Variants in MYT1 observed in about 807,000 individuals in gnomAD.
MYT1 encodes myelin transcription factor I.
In MYT1, 23 loss-of-function variants were observed where a neutral mutation model predicts 123.0. That is an observed-to-expected ratio of 0.19 (90% CI 0.13 to 0.26). The LOEUF is 0.26. Among genes scored for constraint, MYT1 ranks in the 10% least tolerant of loss-of-function variants. The pLI is 1.00. For synonymous variants in MYT1, 518 were observed against 575.3 expected (o/e 0.90, Z 1.43); for missense variants, 1,125 against 1,472.5 (o/e 0.76, Z 3.86).
chr20:64,229,669 G>A (rs577155550), intron 18 of MYT1, among the ~76,000 whole-genome samples: 13 of 152,198 alleles, frequency 8.5e-5, no homozygotes, highest in Non-Finnish European at 1.8e-4. Context: ...GAATGGATGT[G>A]TCAGGTCATG....
At chr20:64,227,359 G>T in intron 16 of MYT1, 56 bp from the exon 17 acceptor site, 1 of 1,570,790 alleles carries the variant, frequency 6.4e-7, no homozygotes, top group East Asian at 2.3e-5. Context: ...CCAGGGCTCT[G>T]GGCCGGGGCT....
Position 64,240,367 on chromosome 20 carries a change from C to T in MYT1, c.3285C>T (p.Thr1095=), listed in dbSNP as rs755490460. Residue 1095 remains threonine, a synonymous_variant, in exon 23 of 23, where the codon ACC becomes ACT. Transcript: ENST00000328439. Reference sequence around the variant, plus strand: ...TCGATGCCTATGTGAGCACCCTCACCGACATGTACTCCAACCAGGACCCGG... The same window carrying T: ...TCGATGCCTATGTGAGCACCCTCACTGACATGTACTCCAACCAGGACCCGG... ...QNFDAYVSTL[T]DMYSNQDPEN... is the part of the protein sequence containing the mutation. 27 of 1,613,932 alleles carry T rather than the reference C, an allele frequency of 1.7e-5. No individual in the cohort carries two copies. Among genetic ancestry groups the T allele is most frequent in the Admixed American group, 8.3e-5 (5 of 60,002 alleles).
At position 64,236,073 on chromosome 20, in the gene MYT1, C is replaced by G. The variant is rs368997636; in HGVS notation, c.2898-482C>G. Among the ~76,000 whole-genome samples, 173 of 63,216 alleles carry G rather than the reference C, an allele frequency of 2.7e-3. 5 individuals carry two copies. Among genetic ancestry groups the G allele is most frequent in the Non-Finnish European group, 3.0e-3 (104 of 35,110 alleles). The allele number at this position is 63,216 out of a possible 152,430, so 41.5% of individuals were successfully genotyped here. On this transcript the variant is annotated intron_variant, in intron 19 of 22. Coordinates refer to ENST00000328439, the MANE Select transcript of MYT1 (RefSeq NM_004535.3). ...TCGCGGTGGGTGACCCTGGGCTGGC[C>G]GTGGTGGGTGACCCTGGGATGGCCG...
At position 64,185,112 on chromosome 20, in the gene MYT1, G is replaced by T. The variant is rs554885631; in HGVS notation, c.-98-4951G>T. ...GATGGAGAGGGGGCTGGGCAGGGGC[G>T]TGAGGTCCAAAGAGACTGTGTTTTT... On this transcript the variant is annotated intron_variant, in intron 1 of 22. Coordinates refer to ENST00000328439, the MANE Select transcript of MYT1 (RefSeq NM_004535.3). This position sits in a 1 kb window ranked among gnomAD's most constrained non-coding sequence, Gnocchi z 4.5. Among the ~76,000 whole-genome samples the T allele has an allele frequency of 1.3e-5, 2 of 152,196 alleles. No individual in the cohort carries two copies. The highest frequency in any genetic ancestry group is 2.9e-5 in the Non-Finnish European group (2 of 68,022).
In MYT1 at chr20:64,236,609, G is replaced by GGAT. The variant is rs751358353; in HGVS notation, c.2955_2957dup (p.Asp985dup). On this transcript the variant is annotated inframe_insertion, in exon 20 of 23. Coordinates refer to ENST00000328439, the MANE Select transcript of MYT1 (RefSeq NM_004535.3). ...CTGGAAAGAAGGGAAAACTGTCAGG[G>GGAT]GATGAGGTCCTCAGTCCAAAGTTCA... is the stretch of plus-strand genomic sequence containing the variant. 1 of 1,613,770 alleles carries GGAT rather than the reference G, an allele frequency of 6.2e-7. No homozygotes were observed. Among genetic ancestry groups the GGAT allele is most frequent in the African/African-American group, 1.3e-5 (1 of 75,012 alleles).
In MYT1 at chr20:64,203,702, G is replaced by A. The variant is rs745710299; in HGVS notation, c.87-1333G>A. Among the ~76,000 whole-genome samples the A allele has an allele frequency of 6.6e-6, 1 of 152,204 alleles. No homozygotes were observed. Among genetic ancestry groups the A allele is most frequent in the African/African-American group, 2.4e-5 (1 of 41,458 alleles). ...AGGGTAAGGCCTGGATTCTGCTGAC[G>A]GTTCTCCCAGAGGTAGTCGGGGAGG... On this transcript the variant is annotated intron_variant, in intron 4 of 22. Transcript: ENST00000328439. This position sits in a 1 kb window ranked among gnomAD's most constrained non-coding sequence, Gnocchi z 5.1.
At chr20:64,176,710 C>T (rs1321061468) in intron 1 of MYT1, among the ~76,000 whole-genome samples, 1 of 152,172 alleles carries the variant, frequency 6.6e-6, no homozygotes, top group South Asian at 2.1e-4. Context: ...GCCTGGGTTC[C>T]GGGCACCCGG....
At chr20:64,220,283 A>G (rs1983962822) in intron 13 of MYT1, among the ~76,000 whole-genome samples, 1 of 152,186 alleles carries the variant, frequency 6.6e-6, no homozygotes, top group Admixed American at 6.5e-5. Flanking sequence ...CTGTGGAGGC[A>G]TGGGGAGGAG....
At chr20:64,240,100 C>T (rs1412638389) in intron 22 of MYT1, among the ~76,000 whole-genome samples, 197 bp downstream of exon 22, 2 of 152,188 alleles carry the variant, frequency 1.3e-5, no homozygotes, top group African/African-American at 4.8e-5. Flanking sequence ...TGAGTAGCTG[C>T]CATAAAGAGT....
intron 4 of MYT1, among the ~76,000 whole-genome samples, chr20:64,204,018 C>T (rs560179513): frequency 6.6e-6 from 1 of 152,338 alleles, no homozygotes; most frequent in African/African-American, 2.4e-5. Context: ...CCTGCCCCTC[C>T]CACCTGCCTT....
chr20:64,217,027 T>C (rs554746367), intron 10 of MYT1, 40 bp from the exon 11 acceptor site: 1 of 1,577,592 alleles, frequency 6.3e-7, no homozygotes, highest in Non-Finnish European at 8.7e-7. Flanking sequence ...GATCCCCAGG[T>C]CCCATCTCAC....
Position 64,185,699 on chromosome 20 carries a change from A to G in MYT1, c.-98-4364A>G, listed in dbSNP as rs1982779940. On this transcript the variant is annotated intron_variant, in intron 1 of 22. Transcript: ENST00000328439. This position sits in a 1 kb window ranked among gnomAD's most constrained non-coding sequence, Gnocchi z 4.5. ...ATTCCAGGCTACCGAGCCAGCATGAAAACAGCCACGGTCGCCCGCAGGGGG... is the reference window on the plus strand; with the variant it reads ...ATTCCAGGCTACCGAGCCAGCATGAGAACAGCCACGGTCGCCCGCAGGGGG... Among the ~76,000 whole-genome samples, 1 of 152,182 alleles carries G rather than the reference A, an allele frequency of 6.6e-6. No homozygotes were observed. The highest frequency in any genetic ancestry group is 2.1e-4 in the South Asian group (1 of 4,830).
chr20:64,221,893 T>C lies in MYT1; in HGVS notation c.2242T>C (p.Ser748Pro). 6.2e-7 allele frequency: 1 copy of C among 1,612,866 alleles called. No individual in the cohort carries two copies. Among genetic ancestry groups the C allele is most frequent in the Non-Finnish European group, 8.5e-7 (1 of 1,179,870 alleles). ...SRLREEEPEE[S>P]EPAAHSFASS... Reference sequence around the variant, plus strand: ...ACATCTTCCTGCTGGTTTTTTGCAGTCAGAGCCAGCAGCCCATTCTTTTGC... The same window carrying C: ...ACATCTTCCTGCTGGTTTTTTGCAGCCAGAGCCAGCAGCCCATTCTTTTGC... The change falls in exon 14 of 23, where the codon TCA becomes CCA. Residue 748 changes from serine to proline, a missense_variant and splice_region_variant. Ser to Pro is a moderately conservative substitution (Grantham distance 74, BLOSUM62 -1). Transcript: ENST00000328439.
At position 64,239,838 on chromosome 20, in the gene MYT1, C is replaced by G. The variant is rs1260888750; in HGVS notation, c.3172C>G (p.Leu1058Val). The change falls in exon 22 of 23, where the codon CTG becomes GTG. Residue 1058 changes from leucine (L) to valine (V), a missense_variant. Coordinates refer to ENST00000328439, the MANE Select transcript of MYT1 (RefSeq NM_004535.3). ...TGAGGAGCAGAATGAAGCCCTGTTT[C>G]TGGAGCTGTCCGGCCTGAGCCAGGC... Reference protein sequence around the residue: ...LIEEQNEALFLELSGLSQALI... With the variant: ...LIEEQNEALFVELSGLSQALI... The G allele has an allele frequency of 4.3e-6, 7 of 1,613,922 alleles. No homozygotes were observed. The Admixed American group carries it at 1.0e-4, about 23-fold the overall frequency.
At chr20:64,230,075 A>G (rs1025078158) in intron 18 of MYT1, among the ~76,000 whole-genome samples, 61 of 152,216 alleles carry the variant, frequency 4.0e-4, no homozygotes, top group African/African-American at 1.4e-3. Context: ...TGTCCCTGAC[A>G]GCTTGAAAGT....
At chr20:64,235,856 CCG>C (rs1984515497) in intron 19 of MYT1, among the ~76,000 whole-genome samples, 1 of 117,892 alleles carries the variant, frequency 8.5e-6, no homozygotes, top group Non-Finnish European at 1.8e-5. Flanking sequence ...CCTGGGCTGG[CCG>C]TGGTGGGTGA....
Position 64,207,674 on chromosome 20 carries a change from T to A in MYT1, c.478T>A (p.Tyr160Asn). Residue 160 changes from tyrosine to asparagine, a missense_variant, in exon 7 of 23, where the codon TAC becomes AAC. Around this residue, in one of 4 missense-constraint regions of MYT1, gnomAD observed 406 missense variants for 432.2 expected, o/e 0.94. Transcript: ENST00000328439. The part of the protein sequence containing the change: ...TASSKGSYSS[Y>N]QGIIATSLLN... ...CTCCTCCAAGGGCAGCTACAGCAGC[T>A]ACCAGGGAATCATCGCAACTTCTCT... 6.2e-7 allele frequency: 1 copy of A among 1,614,092 alleles called. No individual in the cohort carries two copies. Among genetic ancestry groups the A allele is most frequent in the Non-Finnish European group, 8.5e-7 (1 of 1,180,022 alleles).
chr20:64,216,277 C>G (rs1262985266), intron 10 of MYT1, among the ~76,000 whole-genome samples: 1 of 152,238 alleles, frequency 6.6e-6, no homozygotes, highest in Non-Finnish European at 1.5e-5. Flanking sequence ...TCTGAGCTGC[C>G]AGGTTCAGAA....
At position 64,207,935 on chromosome 20, in the gene MYT1, G is replaced by C. The variant is rs1983535656; in HGVS notation, c.739G>C (p.Glu247Gln). The C allele has an allele frequency of 6.2e-7, 1 of 1,611,756 alleles. No individual in the cohort carries two copies. Among genetic ancestry groups the C allele is most frequent in the African/African-American group, 1.3e-5 (1 of 74,416 alleles). The change falls in exon 7 of 23, where the codon GAG (glutamate) becomes CAG (glutamine). Residue 247 changes from glutamate (E) to glutamine (Q), a missense_variant. Glu to Gln is a conservative substitution (Grantham distance 29, BLOSUM62 2). Transcript: ENST00000328439. ...PQSLEDAASE[E>Q]SSKQKGILSH... Reference sequence around the variant, plus strand: ...GTCCCTGGAGGATGCAGCCAGTGAGGAGTCCAGCAAGCAGAAAGGCATCCT... The same window carrying C: ...GTCCCTGGAGGATGCAGCCAGTGAGCAGTCCAGCAAGCAGAAAGGCATCCT...
Sources: allele counts gnomAD v4.1 joint callset (sites outside exome capture counted in the v4.1 genomes callset), GRCh38; gene constraint gnomAD v4.1.1; regional missense constraint gnomAD v4.1.1; non-coding constraint Gnocchi (gnomAD v3.1); transcripts MANE v1.5; gene names NCBI Gene and HGNC (gene_info 2026-07-23, HGNC 2026-07-21).